The following CACNB2 variants were observed in gnomAD, a reference collection of about 807,000 sequenced individuals.
CACNB2 encodes calcium voltage-gated channel auxiliary subunit beta 2, also known as voltage-dependent L-type calcium channel subunit beta-2.
A neutral mutation model predicts 73.3 loss-of-function variants in CACNB2; 42 were observed. That is an observed-to-expected ratio of 0.57 (90% CI 0.45 to 0.74). The LOEUF is 0.74. Ranked by LOEUF, CACNB2 falls within the 30% of genes least tolerant of loss-of-function variation. CACNB2 has a pLI of 0.00. For missense variants in CACNB2, 940 were observed against 853.0 expected, an observed-to-expected ratio of 1.10 and a Z score of -1.27; for synonymous variants, 348 against 310.3, an observed-to-expected ratio of 1.12 and a Z score of -1.28.
At chr10:18,445,331 C>A (rs991863093) in intron 3 of CACNB2, among the ~76,000 whole-genome samples, 2 of 152,144 alleles carry the variant, frequency 1.3e-5, no homozygotes, top group South Asian at 4.1e-4. Flanking sequence ...AACAGAGCAT[C>A]AATTTAACAA....
intron 2 of CACNB2, among the ~76,000 whole-genome samples, chr10:18,242,954 G>C (rs1335727651): frequency 6.7e-6 from 1 of 149,436 alleles, no homozygotes; most frequent in African/African-American, 2.5e-5. Flanking sequence ...AGCTTGCAGT[G>C]AGCCGAGATT....
At chr10:18,467,314 T>G (rs1287095143) in intron 3 of CACNB2, among the ~76,000 whole-genome samples, 2 of 152,224 alleles carry the variant, frequency 1.3e-5, no homozygotes, top group Non-Finnish European at 2.9e-5. Context: ...GCATCAACAC[T>G]GGTGTTCAAA....
At chr10:18,247,189 G>A (rs1031174363) in intron 2 of CACNB2, among the ~76,000 whole-genome samples, 1 of 152,256 alleles carries the variant, frequency 6.6e-6, no homozygotes, top group East Asian at 1.9e-4. Flanking sequence ...ACCTCTGTGT[G>A]CCATAGCCTC....
intron 2 of CACNB2, among the ~76,000 whole-genome samples, chr10:18,251,637 T>A (rs535312996): frequency 6.6e-6 from 1 of 152,186 alleles, no homozygotes; most frequent in Non-Finnish European, 1.5e-5. Context: ...CTGGGTAACT[T>A]ATGAAGAAAA....
At chr10:18,531,336 T>G (rs2053009662) in intron 10 of CACNB2, among the ~76,000 whole-genome samples, 1 of 152,184 alleles carries the variant, frequency 6.6e-6, no homozygotes, top group Non-Finnish European at 1.5e-5. Flanking sequence ...ATTCTCTTCT[T>G]CCTCCCACCC....
intron 3 of CACNB2, among the ~76,000 whole-genome samples, chr10:18,464,775 G>A (rs2047785027): frequency 6.6e-6 from 1 of 152,272 alleles, no homozygotes; most frequent in South Asian, 2.1e-4. Context: ...AAAATTGACA[G>A]CATCTGCATT....
chr10:18,333,533 CTA>C, intron 2 of CACNB2, among the ~76,000 whole-genome samples: 1 of 150,988 alleles, frequency 6.6e-6, no homozygotes, highest in South Asian at 2.1e-4. Flanking sequence ...TGTTTTTTTA[CTA>C]TGGCATGTGA....
At chr10:18,303,471 A>G (rs1457745526) in intron 2 of CACNB2, among the ~76,000 whole-genome samples, 1 of 152,108 alleles carries the variant, frequency 6.6e-6, no homozygotes, top group African/African-American at 2.4e-5. Context: ...CGCCACTGCA[A>G]TCCAGCCTGC....
At chr10:18,471,512 C>G (rs767159315) in intron 3 of CACNB2, among the ~76,000 whole-genome samples, 1 of 152,126 alleles carries the variant, frequency 6.6e-6, no homozygotes, top group Non-Finnish European at 1.5e-5. Flanking sequence ...AAGCTATTAT[C>G]CTGCAGCCAC....
intron 2 of CACNB2, among the ~76,000 whole-genome samples, chr10:18,295,011 A>G (rs1300311169): frequency 1.3e-5 from 2 of 152,250 alleles, no homozygotes; most frequent in Admixed American, 6.5e-5. Flanking sequence ...GACACAGTCA[A>G]GCTTCATAAG....
rs373747995 is a variant in CACNB2, at chr10:18,362,030, T to G, written c.214-39894T>G. ...ATTTTGTAGGGATGAGGTTTTCCCATGTCGCCCAGGCTGATCTCAAGCTCC... is the reference window on the plus strand; with the variant it reads ...ATTTTGTAGGGATGAGGTTTTCCCAGGTCGCCCAGGCTGATCTCAAGCTCC... On this transcript the variant is annotated intron_variant, in intron 2 of 13. Coordinates refer to ENST00000324631, the MANE Select transcript of CACNB2 (RefSeq NM_201596.3). Among the ~76,000 whole-genome samples the G allele has an allele frequency of 1.4e-4, 22 of 152,284 alleles. No homozygotes were observed. In the East Asian group the frequency reaches 3.5e-3, roughly 24 times the overall value.
At chr10:18,356,573 A>G (rs1441738268) in intron 2 of CACNB2, among the ~76,000 whole-genome samples, 1 of 152,128 alleles carries the variant, frequency 6.6e-6, no homozygotes, top group Non-Finnish European at 1.5e-5. Context: ...TGCTTCGTAT[A>G]AATGTAATTA....
At chr10:18,451,087 G>A (rs1005579308) in intron 3 of CACNB2, among the ~76,000 whole-genome samples, 1 of 152,208 alleles carries the variant, frequency 6.6e-6, no homozygotes, top group East Asian at 1.9e-4. Flanking sequence ...ATTAAAGTCA[G>A]CTCTATATCT....
chr10:18,158,589 T>C (rs958010995), intron 2 of CACNB2, among the ~76,000 whole-genome samples: 1 of 152,196 alleles, frequency 6.6e-6, no homozygotes, highest in African/African-American at 2.4e-5. Flanking sequence ...TAATTCTTAA[T>C]CTTTTGTATT....
At chr10:18,270,990 G>A (rs1221867552) in intron 2 of CACNB2, among the ~76,000 whole-genome samples, 1 of 152,012 alleles carries the variant, frequency 6.6e-6, no homozygotes. Flanking sequence ...TCGTTTTGGG[G>A]GATGGGGGTA....
chr10:18,273,623 G>A (rs919269552), intron 2 of CACNB2, among the ~76,000 whole-genome samples: 2 of 152,138 alleles, frequency 1.3e-5, no homozygotes, highest in African/African-American at 4.8e-5. Flanking sequence ...GAAACATCCA[G>A]AATTCAAAAT....
intron 2 of CACNB2, among the ~76,000 whole-genome samples, chr10:18,280,928 T>C (rs2038518230): frequency 6.6e-6 from 1 of 152,190 alleles, no homozygotes; most frequent in Non-Finnish European, 1.5e-5. Flanking sequence ...CATGACTTAA[T>C]TTACTGTTCC....
intron 3 of CACNB2, among the ~76,000 whole-genome samples, chr10:18,424,661 A>G (rs911981977): frequency 3.3e-5 from 5 of 152,120 alleles, no homozygotes; most frequent in Non-Finnish European, 5.9e-5. Flanking sequence ...CTTACCATCT[A>G]TATTTATTTT....
At chr10:18,403,153 C>T (rs1288289481) in intron 3 of CACNB2, among the ~76,000 whole-genome samples, 1 of 152,160 alleles carries the variant, frequency 6.6e-6, no homozygotes, top group Non-Finnish European at 1.5e-5. Context: ...TTCTCCAGGA[C>T]TGACAGTCTT....
Sources: gnomAD v4.1 joint callset for allele counts (sites outside exome capture counted in the v4.1 genomes callset) on GRCh38, gnomAD v4.1.1 for gene constraint, MANE v1.5 for transcripts, NCBI Gene and HGNC (gene_info 2026-07-23, HGNC 2026-07-21) for gene names.